XKR3: variants seen among roughly 807,000 people sequenced by gnomAD.
The protein encoded by XKR3 is XK-related protein 3.
XKR3 carries 27 observed loss-of-function variants against 40.3 expected under a neutral mutation model. That is an observed-to-expected ratio of 0.67 (90% CI 0.49 to 0.92). The LOEUF (loss-of-function observed/expected upper bound fraction) is 0.92. XKR3 is among the 40% of genes least tolerant of loss of function. XKR3 has a pLI of 0.00. For missense variants in XKR3, 472 were observed against 537.6 expected, an observed-to-expected ratio of 0.88 and a Z score of 1.21; for synonymous variants, 193 against 195.4, an observed-to-expected ratio of 0.99 and a Z score of 0.10.
At chr22:16,805,219 A>C (rs1269693789) in intron 2 of XKR3, among the ~76,000 whole-genome samples, 1 of 152,230 alleles carries the variant, frequency 6.6e-6, no homozygotes, top group Non-Finnish European at 1.5e-5. Flanking sequence ...TAAAGCTAGT[A>C]AATAGTCTCA....
rs776957646 is a variant in XKR3, at chr22:16,789,875, G to C, written c.590-5466C>G. ...AGAGATGCCAAGAACACAAAATGAG[G>C]AAAGTCAGTCTCTTCAATAAGTGGT... On this transcript the variant is annotated intron_variant, in intron 3 of 3. Transcript: ENST00000684488. 5.5e-3 allele frequency among the ~76,000 whole-genome samples: 841 copies of C among 152,270 alleles called. 5 individuals carry two copies. Among genetic ancestry groups the C allele is most frequent in the Non-Finnish European group, 7.0e-3 (477 of 68,010 alleles).
chr22:16,824,183 A>C (rs1251605497), intron 1 of XKR3, among the ~76,000 whole-genome samples: 1 of 152,164 alleles, frequency 6.6e-6, no homozygotes, highest in Non-Finnish European at 1.5e-5. Context: ...GAGACAGAAA[A>C]AACACTCTTG....
At chr22:16,792,464 A>G (rs1482453543) in intron 3 of XKR3, among the ~76,000 whole-genome samples, 2 of 152,244 alleles carry the variant, frequency 1.3e-5, no homozygotes, top group Non-Finnish European at 2.9e-5. Context: ...TTCCAACTAT[A>G]GATCCTATCC....
intron 3 of XKR3, among the ~76,000 whole-genome samples, chr22:16,792,419 G>T (rs1429195934): frequency 6.6e-6 from 1 of 152,210 alleles, no homozygotes; most frequent in Non-Finnish European, 1.5e-5. Flanking sequence ...TGCATCTAAT[G>T]CCATGAAGCT....
At chr22:16,818,825 A>G (rs531900390) in intron 1 of XKR3, among the ~76,000 whole-genome samples, 2 of 152,264 alleles carry the variant, frequency 1.3e-5, no homozygotes, top group South Asian at 4.1e-4. Context: ...TTAAAGAGCC[A>G]GATCTAAGTA....
At chr22:16,784,467 T>G in intron 3 of XKR3, 58 bp from the exon 4 acceptor site, 1 of 1,455,150 alleles carries the variant, frequency 6.9e-7, no homozygotes, top group Non-Finnish European at 9.2e-7. Flanking sequence ...ATGACCACTT[T>G]CTTTTTTAAA....
chr22:16,807,001 G>A (rs1401861068), intron 2 of XKR3, among the ~76,000 whole-genome samples: 1 of 152,010 alleles, frequency 6.6e-6, no homozygotes, highest in Non-Finnish European at 1.5e-5. Context: ...TAATCTATAA[G>A]TTTAATTGGA....
intron 1 of XKR3, among the ~76,000 whole-genome samples, chr22:16,813,277 C>G (rs2060220272): frequency 1.3e-5 from 2 of 151,380 alleles, no homozygotes; most frequent in Admixed American, 1.3e-4. Context: ...GAGGAAGACT[C>G]TGGCTCAAAA....
At position 16,784,173 on chromosome 22, in the gene XKR3, A is replaced by G; in HGVS notation, c.826T>C (p.Leu276=). 1.9e-6 allele frequency: 3 copies of G among 1,614,234 alleles called. No homozygotes were observed. In the South Asian group the frequency reaches 3.3e-5, roughly 18 times the overall value. The stretch of plus-strand genomic sequence containing the variant: ...CAAAACTCCAGCCACGGTGCCAACA[A>G]TGATACAAAATATATGATTAACAAA... ...PVLLIIYFVS[L]LAPWLEFWKS... The change falls in exon 4 of 4, where the codon TTG becomes CTG. Residue 276 remains leucine, a synonymous_variant. Transcript: ENST00000684488.
At chr22:16,794,525 A>G (rs2060132815) in intron 3 of XKR3, among the ~76,000 whole-genome samples, 2 of 152,362 alleles carry the variant, frequency 1.3e-5, no homozygotes, top group South Asian at 4.1e-4. Flanking sequence ...CTAAGGGCAT[A>G]CACTTTAAAT....
chr22:16,807,321 A>C (rs1049752659), intron 2 of XKR3, among the ~76,000 whole-genome samples: 3 of 152,198 alleles, frequency 2.0e-5, no homozygotes, highest in African/African-American at 7.2e-5. Context: ...ACCACTAAAA[A>C]GTTAAATTCG....
At chr22:16,790,174 T>C (rs2146143083) in intron 3 of XKR3, among the ~76,000 whole-genome samples, 2 of 151,656 alleles carry the variant, frequency 1.3e-5, no homozygotes, top group South Asian at 4.2e-4. Flanking sequence ...AAAATAAATA[T>C]GTAATGAAAA....
chr22:16,812,278 C>T (rs921531588), intron 1 of XKR3, among the ~76,000 whole-genome samples: 4 of 152,122 alleles, frequency 2.6e-5, no homozygotes, highest in African/African-American at 9.7e-5. Flanking sequence ...GTGTTTAACC[C>T]GCATATACAT....
chr22:16,797,005 G>C (rs2060143949), intron 3 of XKR3, among the ~76,000 whole-genome samples: 1 of 152,094 alleles, frequency 6.6e-6, no homozygotes, highest in Non-Finnish European at 1.5e-5. Context: ...AGGGAACCCA[G>C]GTATAAAGCC....
intron 1 of XKR3, among the ~76,000 whole-genome samples, chr22:16,814,907 C>T (rs2060227012): frequency 6.6e-6 from 1 of 150,604 alleles, no homozygotes. Context: ...GGTAGATTCA[C>T]TTTTTTCCTT....
intron 2 of XKR3, among the ~76,000 whole-genome samples, chr22:16,802,508 T>C (rs1300601364): frequency 6.6e-6 from 1 of 152,152 alleles, no homozygotes; most frequent in Non-Finnish European, 1.5e-5. Flanking sequence ...TTTTCTTTTT[T>C]TGAGACAGAG....
intron 2 of XKR3, among the ~76,000 whole-genome samples, chr22:16,802,738 T>C (rs2060174538): frequency 6.6e-6 from 1 of 152,146 alleles, no homozygotes; most frequent in Non-Finnish European, 1.5e-5. Context: ...TCTGCCTGCC[T>C]GGGACTCCCA....
At chr22:16,807,459 C>T (rs981760362) in intron 2 of XKR3, among the ~76,000 whole-genome samples, 1 of 152,040 alleles carries the variant, frequency 6.6e-6, no homozygotes, top group African/African-American at 2.4e-5. Flanking sequence ...GCCCATTAGG[C>T]CGAATGAGAA....
chr22:16,814,757 T>C (rs1187701333), intron 1 of XKR3, among the ~76,000 whole-genome samples: 1 of 152,138 alleles, frequency 6.6e-6, no homozygotes, highest in Non-Finnish European at 1.5e-5. Context: ...ATTTTATTTT[T>C]GGATTGCTCT....
Sources: gnomAD v4.1 joint callset for allele counts (sites outside exome capture counted in the v4.1 genomes callset) on GRCh38, gnomAD v4.1.1 for gene constraint, MANE v1.5 for transcripts, NCBI Gene and HGNC (gene_info 2026-07-23, HGNC 2026-07-21) for gene names.